ANKRD9: variants seen among roughly 807,000 people sequenced by gnomAD.
ANKRD9 encodes ankyrin repeat domain 9, also known as ankyrin repeat domain-containing protein 9.
Under a neutral mutation model 19.2 loss-of-function variants are expected in ANKRD9, and 13 were observed. That is an observed-to-expected ratio of 0.68 (90% CI 0.44 to 1.08). The LOEUF (loss-of-function observed/expected upper bound fraction) is 1.08. Among genes scored for constraint, ANKRD9 ranks in the 50% least tolerant of loss-of-function variants. The pLI is 0.00. For synonymous variants in ANKRD9, 278 were observed against 256.8 expected, an observed-to-expected ratio of 1.08 and a Z score of -0.79; for missense variants, 518 against 499.9, an observed-to-expected ratio of 1.04 and a Z score of -0.34.
At position 102,507,839 on chromosome 14, in the gene ANKRD9, C is replaced by T; in HGVS notation, c.51G>A (p.Glu17=). The change falls in exon 4 of 4, where the codon GAG becomes GAA. Residue 17 remains glutamate, a synonymous_variant. Coordinates refer to ENST00000286918, the MANE Select transcript of ANKRD9 (RefSeq NM_152326.4). This position sits in a 1 kb window ranked among gnomAD's most constrained non-coding sequence, Gnocchi z 9.2. ...CTCGCGAGCGCGCCGCGCCCGAGGC[C>T]TCGGGCCCGCCGTCCGCGCCACCCC... ...RPGGGADGGP[E]ASGAARSRAQ... The T allele has an allele frequency of 3.1e-6, 4 of 1,311,126 alleles. No individual in the cohort carries two copies. The highest frequency in any genetic ancestry group is 3.0e-6 in the Non-Finnish European group (3 of 1,014,240). The allele number at this position is 1,311,126 out of a possible 1,614,324, so 81.2% of individuals were successfully genotyped here.
In ANKRD9 at chr14:102,504,448, T is replaced by A. The variant is rs939317142; in HGVS notation, c.*2488A>T. On this transcript the variant is annotated 3_prime_UTR_variant, in exon 4 of 4. Coordinates refer to ENST00000286918, the MANE Select transcript of ANKRD9 (RefSeq NM_152326.4). Reference sequence around the variant, plus strand: ...CTCCGGCCCTCCCAGTCCTGCAAGCTCATGGCCAGGACGATAACGATGACA... The same window carrying A: ...CTCCGGCCCTCCCAGTCCTGCAAGCACATGGCCAGGACGATAACGATGACA... 1.3e-5 allele frequency: 2 copies of A among 153,996 alleles called. No individual in the cohort carries two copies. Among genetic ancestry groups the A allele is most frequent in the African/African-American group, 2.4e-5 (1 of 41,392 alleles). The allele number at this position is 153,996 out of a possible 1,614,324, so 9.5% of individuals were successfully genotyped here. A position where few individuals can be genotyped will look rare whatever the true frequency, so the allele number is the denominator to read the frequency against.
rs1244775514 is a variant in ANKRD9 at position 102,507,771 on chromosome 14, G to C, written c.119C>G (p.Ala40Gly). 1 of 1,486,458 alleles carries C rather than the reference G, an allele frequency of 6.7e-7. No individual in the cohort carries two copies. Among genetic ancestry groups the C allele is most frequent in the East Asian group, 2.7e-5 (1 of 36,430 alleles). 92.1% of individuals were successfully genotyped at this position (1,486,458 alleles called of 1,614,324 possible). The change falls in exon 4 of 4, where the codon GCG (alanine) becomes GGG (glycine). Residue 40 changes from alanine to glycine, a missense_variant. Coordinates refer to ENST00000286918, the MANE Select transcript of ANKRD9 (RefSeq NM_152326.4). This position sits in a 1 kb window ranked among gnomAD's most constrained non-coding sequence, Gnocchi z 9.2. Reference sequence around the variant, plus strand: ...CCACACGGGTAGCAGGTCGCGCACCGCCTGGTAGAAGGCGAACGACGACTT... The same window carrying C: ...CCACACGGGTAGCAGGTCGCGCACCCCCTGGTAGAAGGCGAACGACGACTT... ...CRKSSFAFYQ[A>G]VRDLLPVWLL... is the part of the protein sequence containing the mutation.
rs1262711057 is a variant in ANKRD9, at chr14:102,502,324, A to C, written c.*4612T>G. The C allele has an allele frequency of 6.6e-6, 1 of 152,648 alleles. No homozygotes were observed. Among genetic ancestry groups the C allele is most frequent in the Non-Finnish European group, 1.5e-5 (1 of 68,038 alleles). The allele number at this position is 152,648 out of a possible 1,614,324, so 9.5% of individuals were successfully genotyped here. ...GAAATTTTTCATAACTCCGGGGAGG[A>C]GCAAGAGGGGTGAAAAGAAACAAGT... On this transcript the variant is annotated 3_prime_UTR_variant, in exon 4 of 4. Transcript: ENST00000286918.
chr14:102,507,376 G>A lies in ANKRD9; in HGVS notation c.514C>T (p.Pro172Ser). The A allele has an allele frequency of 7.5e-7, 1 of 1,337,292 alleles. No individual in the cohort carries two copies. The highest frequency in any genetic ancestry group is 9.6e-7 in the Non-Finnish European group (1 of 1,042,494). 82.8% of individuals were successfully genotyped at this position (1,337,292 alleles called of 1,614,324 possible). The stretch of plus-strand genomic sequence containing the variant: ...CCCAGCAGCAGGAAGAGGCACTCGG[G>A]GCGCGCCAGCTCACAGGCCACGTGC... ...SLHVACELAR[P>S]ECLFLLLGHG... Residue 172 changes from proline (P) to serine (S), a missense_variant, in exon 4 of 4, where the codon CCC (proline) becomes TCC (serine). Physicochemically the swap from Pro to Ser is moderately conservative, Grantham distance 74. Coordinates refer to ENST00000286918, the MANE Select transcript of ANKRD9 (RefSeq NM_152326.4). The surrounding 1 kb of genome is among the most constrained non-coding windows in gnomAD (Gnocchi z 9.2).
rs1238199564 is a variant in ANKRD9, at chr14:102,502,176, C to G, written c.*4760G>C. The G allele has an allele frequency of 6.6e-6, 1 of 152,274 alleles. No homozygotes were observed. Among genetic ancestry groups the G allele is most frequent in the South Asian group, 2.1e-4 (1 of 4,832 alleles). The allele number at this position is 152,274 out of a possible 1,614,324, so 9.4% of individuals were successfully genotyped here. ...ACCTCACCGCGCCAGCGTGAAGTTC[C>G]CGGGCATGGTCATGAAAGCGTGGTT... On this transcript the variant is annotated 3_prime_UTR_variant, in exon 4 of 4. Coordinates refer to ENST00000286918, the MANE Select transcript of ANKRD9 (RefSeq NM_152326.4).
rs1175327268 is a variant in ANKRD9 at position 102,504,899 on chromosome 14, G to C, written c.*2037C>G. ...GGTAACCTGACAATGGATTTCGTGG[G>C]GCCCACTCTCAGTGCCCGCCAGCCT... On this transcript the variant is annotated 3_prime_UTR_variant, in exon 4 of 4. Transcript: ENST00000286918. 2 of 152,330 alleles carry C rather than the reference G, an allele frequency of 1.3e-5. No homozygotes were observed. The highest frequency in any genetic ancestry group is 4.8e-5 in the African/African-American group (2 of 41,442). The allele number at this position is 152,330 out of a possible 1,614,324, so 9.4% of individuals were successfully genotyped here.
Position 102,505,195 on chromosome 14 carries a change from G to C in ANKRD9, c.*1741C>G, listed in dbSNP as rs1447922533. ...AGGCACAAGCCCCATGGGCTCCCCG[G>C]GCCCAGCCCCTAAGAACCACGGCAG... is the stretch of plus-strand genomic sequence containing the variant. On this transcript the variant is annotated 3_prime_UTR_variant, in exon 4 of 4. Coordinates refer to ENST00000286918, the MANE Select transcript of ANKRD9 (RefSeq NM_152326.4). 1.3e-5 allele frequency: 2 copies of C among 152,350 alleles called. No individual in the cohort carries two copies. Among genetic ancestry groups the C allele is most frequent in the Non-Finnish European group, 2.9e-5 (2 of 68,316 alleles). The allele number at this position is 152,350 out of a possible 1,614,324, so 9.4% of individuals were successfully genotyped here.
rs1891563041 is a variant in ANKRD9 at position 102,505,510 on chromosome 14, T to C, written c.*1426A>G. On this transcript the variant is annotated 3_prime_UTR_variant, in exon 4 of 4. Transcript: ENST00000286918. The stretch of plus-strand genomic sequence containing the variant: ...ATCCTTCCCTCCCCACAACCAGGGC[T>C]GTAGGCCCACCTAACACACCACACA... 1 of 152,364 alleles carries C rather than the reference T, an allele frequency of 6.6e-6. No individual in the cohort carries two copies. Among genetic ancestry groups the C allele is most frequent in the Admixed American group, 6.5e-5 (1 of 15,276 alleles). 9.4% of individuals were successfully genotyped at this position (152,364 alleles called of 1,614,324 possible). A position where few individuals can be genotyped will look rare whatever the true frequency, so the allele number is the denominator to read the frequency against.
rs1204272846 is a variant in ANKRD9 at position 102,501,978 on chromosome 14, T to G, written c.*4958A>C. On this transcript the variant is annotated 3_prime_UTR_variant, in exon 4 of 4. Coordinates refer to ENST00000286918, the MANE Select transcript of ANKRD9 (RefSeq NM_152326.4). ...CCTTGCATCTCGCCACCTCCACTTC[T>G]GTCCTCAAGAACAAGTCCTAGGTCA... The G allele has an allele frequency of 2.0e-5, 3 of 152,264 alleles. No individual in the cohort carries two copies. The East Asian group carries it at 5.8e-4, about 29-fold the overall frequency. 9.4% of individuals were successfully genotyped at this position (152,264 alleles called of 1,614,324 possible).
rs1188769685 is a variant in ANKRD9 at position 102,509,763 on chromosome 14, C to A, written c.-569G>T. On this transcript the variant is annotated 5_prime_UTR_variant, in exon 1 of 4. Coordinates refer to ENST00000286918, the MANE Select transcript of ANKRD9 (RefSeq NM_152326.4). ...GCGGGCGGCGGGCGGCGCAGTGCGG[C>A]CCCGGCCAGGCAGGACAGCGGGACC... is the stretch of plus-strand genomic sequence containing the variant. 1 of 146,444 alleles carries A rather than the reference C, an allele frequency of 6.8e-6. No individual in the cohort carries two copies. The highest frequency in any genetic ancestry group is 1.5e-5 in the Non-Finnish European group (1 of 65,920). 9.1% of individuals were successfully genotyped at this position (146,444 alleles called of 1,614,324 possible).
In ANKRD9 at chr14:102,506,943, T is replaced by A; in HGVS notation, c.947A>T (p.Lys316Ile). 1 of 1,516,800 alleles carries A rather than the reference T, an allele frequency of 6.6e-7. No individual in the cohort carries two copies. The highest frequency in any genetic ancestry group is 1.4e-5 in the African/African-American group (1 of 69,816). 94.0% of individuals were successfully genotyped at this position (1,516,800 alleles called of 1,614,324 possible). A position where few individuals can be genotyped will look rare whatever the true frequency, so the allele number is the denominator to read the frequency against. Residue 316 changes from lysine (K) to isoleucine (I), a missense_variant, in exon 4 of 4, where the codon AAA becomes ATA. Physicochemically the swap from Lys to Ile is moderately radical, Grantham distance 102. Coordinates refer to ENST00000286918, the MANE Select transcript of ANKRD9 (RefSeq NM_152326.4). ...PFLQPLDLTGKG is the reference protein window; with the variant it reads ...PFLQPLDLTGIG ...GCCTAGGGTGCTCCGGGCCTAGCCTTTGCCAGTGAGGTCCAACGGCTGCAG... is the reference window on the plus strand; with the variant it reads ...GCCTAGGGTGCTCCGGGCCTAGCCTATGCCAGTGAGGTCCAACGGCTGCAG...
In ANKRD9 at chr14:102,507,571, A is replaced by T; in HGVS notation, c.319T>A (p.Phe107Ile). Residue 107 changes from phenylalanine (F) to isoleucine (I), a missense_variant, in exon 4 of 4, where the codon TTC becomes ATC. Coordinates refer to ENST00000286918, the MANE Select transcript of ANKRD9 (RefSeq NM_152326.4). The surrounding 1 kb of genome is among the most constrained non-coding windows in gnomAD (Gnocchi z 9.2). ...GGCCCGGGAGCCGCGCAGCAGCGGAAGCCGGCACTGGGCGGTGCGAGCGCG... is the reference window on the plus strand; with the variant it reads ...GGCCCGGGAGCCGCGCAGCAGCGGATGCCGGCACTGGGCGGTGCGAGCGCG... ...RRALAPPSAG[F>I]RCCAAPGPHV... 1 of 1,371,112 alleles carries T rather than the reference A, an allele frequency of 7.3e-7. No individual in the cohort carries two copies. Among genetic ancestry groups the T allele is most frequent in the Non-Finnish European group, 9.4e-7 (1 of 1,062,646 alleles). The allele number at this position is 1,371,112 out of a possible 1,614,324, so 84.9% of individuals were successfully genotyped here. A position where few individuals can be genotyped will look rare whatever the true frequency, so the allele number is the denominator to read the frequency against.
chr14:102,504,713 T>G lies in ANKRD9; in HGVS notation c.*2223A>C, dbSNP rs3742444. ...GGCACCACTCCGCTGCTGTAAGTCT[T>G]CGTGAGAGCCACTGGCCAGCTTCCT... is the stretch of plus-strand genomic sequence containing the variant. On this transcript the variant is annotated 3_prime_UTR_variant, in exon 4 of 4. Coordinates refer to ENST00000286918, the MANE Select transcript of ANKRD9 (RefSeq NM_152326.4). The G allele has an allele frequency of 0.68, 103,440 of 152,342 alleles. 36,117 individuals carry two copies. Among genetic ancestry groups the G allele is most frequent in the African/African-American group, 0.84 (34,918 of 41,536 alleles). The allele number at this position is 152,342 out of a possible 1,614,324, so 9.4% of individuals were successfully genotyped here.
At position 102,507,161 on chromosome 14, in the gene ANKRD9, G is replaced by T; in HGVS notation, c.729C>A (p.Ala243=). 2.8e-6 allele frequency: 4 copies of T among 1,417,346 alleles called. No homozygotes were observed. Among genetic ancestry groups the T allele is most frequent in the Non-Finnish European group, 3.7e-6 (4 of 1,093,284 alleles). The allele number at this position is 1,417,346 out of a possible 1,614,324, so 87.8% of individuals were successfully genotyped here. A position where few individuals can be genotyped will look rare whatever the true frequency, so the allele number is the denominator to read the frequency against. ...GCAGCTCCTGGCGGGCCGAGCCGGC[G>T]GCACCCACGGGGGTGTACAGCGCCA... ...DLLALYTPVG[A]AGSARQELLG... The change falls in exon 4 of 4, where the codon GCC becomes GCA. Residue 243 remains alanine, a synonymous_variant. Coordinates refer to ENST00000286918, the MANE Select transcript of ANKRD9 (RefSeq NM_152326.4). The surrounding 1 kb of genome is among the most constrained non-coding windows in gnomAD (Gnocchi z 9.2).
At position 102,502,719 on chromosome 14, in the gene ANKRD9, G is replaced by A. The variant is rs1891474783; in HGVS notation, c.*4217C>T. On this transcript the variant is annotated 3_prime_UTR_variant, in exon 4 of 4. Transcript: ENST00000286918. Reference sequence around the variant, plus strand: ...AAAAAGCTGAAAGAAACATATGCCAGAATGCTAGCAGTGCTTGTATGCGTG... The same window carrying A: ...AAAAAGCTGAAAGAAACATATGCCAAAATGCTAGCAGTGCTTGTATGCGTG... 1 of 152,190 alleles carries A rather than the reference G, an allele frequency of 6.6e-6. No homozygotes were observed. The highest frequency in any genetic ancestry group is 6.5e-5 in the Admixed American group (1 of 15,282). 9.4% of individuals were successfully genotyped at this position (152,190 alleles called of 1,614,324 possible).
At position 102,507,358 on chromosome 14, in the gene ANKRD9, G is replaced by A; in HGVS notation, c.532C>T (p.Leu178=). ...CCGGGCGAGGCGCCGTGGCCCAGCA[G>A]CAGGAAGAGGCACTCGGGGCGCGCC... ...ELARPECLFL[L]LGHGASPGLR... Residue 178 remains leucine, a synonymous_variant, in exon 4 of 4, where the codon CTG becomes TTG. Transcript: ENST00000286918. The surrounding 1 kb of genome is among the most constrained non-coding windows in gnomAD (Gnocchi z 9.2). 7.5e-7 allele frequency: 1 copy of A among 1,330,282 alleles called. No homozygotes were observed. Among genetic ancestry groups the A allele is most frequent in the Non-Finnish European group, 9.6e-7 (1 of 1,037,866 alleles). 82.4% of individuals were successfully genotyped at this position (1,330,282 alleles called of 1,614,324 possible). A position where few individuals can be genotyped will look rare whatever the true frequency, so the allele number is the denominator to read the frequency against.
chr14:102,507,832 C>G lies in ANKRD9; in HGVS notation c.58G>C (p.Gly20Arg). ...TTCTGCGCTCGCGAGCGCGCCGCGC[C>G]CGAGGCCTCGGGCCCGCCGTCCGCG... ...GGADGGPEASGAARSRAQKQC... is the reference protein window; with the variant it reads ...GGADGGPEASRAARSRAQKQC... The change falls in exon 4 of 4, where the codon GGC becomes CGC. Residue 20 changes from glycine (G) to arginine (R), a missense_variant. Coordinates refer to ENST00000286918, the MANE Select transcript of ANKRD9 (RefSeq NM_152326.4). This position sits in a 1 kb window ranked among gnomAD's most constrained non-coding sequence, Gnocchi z 9.2. 1 of 1,352,478 alleles carries G rather than the reference C, an allele frequency of 7.4e-7. No individual in the cohort carries two copies. Among genetic ancestry groups the G allele is most frequent in the Non-Finnish European group, 9.7e-7 (1 of 1,035,762 alleles). 83.8% of individuals were successfully genotyped at this position (1,352,478 alleles called of 1,614,324 possible).
chr14:102,506,726 G>A lies in ANKRD9; in HGVS notation c.*210C>T. 1.7e-6 allele frequency: 1 copy of A among 590,480 alleles called. No homozygotes were observed. Among genetic ancestry groups the A allele is most frequent in the Non-Finnish European group, 2.5e-6 (1 of 397,434 alleles). 36.6% of individuals were successfully genotyped at this position (590,480 alleles called of 1,614,324 possible). A position where few individuals can be genotyped will look rare whatever the true frequency, so the allele number is the denominator to read the frequency against. On this transcript the variant is annotated 3_prime_UTR_variant, in exon 4 of 4. Coordinates refer to ENST00000286918, the MANE Select transcript of ANKRD9 (RefSeq NM_152326.4). ...GGGAGGTTAGTCCTCACTCCCTTCA[G>A]GGGCTGGACAGCGAGCTGAAGGCCC...
rs780629977 is a variant in ANKRD9 at position 102,505,905 on chromosome 14, G to C, written c.*1031C>G. ...TGGCCCTCCTGCCCACGTTGGTGCGGGTTGAATTTGACGGCCCAGCAGAAT... is the reference window on the plus strand; with the variant it reads ...TGGCCCTCCTGCCCACGTTGGTGCGCGTTGAATTTGACGGCCCAGCAGAAT... On this transcript the variant is annotated 3_prime_UTR_variant, in exon 4 of 4. Transcript: ENST00000286918. 6.6e-6 allele frequency: 1 copy of C among 152,240 alleles called. No individual in the cohort carries two copies. The highest frequency in any genetic ancestry group is 2.4e-5 in the African/African-American group (1 of 41,424). 9.4% of individuals were successfully genotyped at this position (152,240 alleles called of 1,614,324 possible).
Sources: gnomAD v4.1 joint callset for allele counts on GRCh38, gnomAD v4.1.1 for gene constraint, Gnocchi (gnomAD v3.1) non-coding constraint, MANE v1.5 for transcripts, NCBI Gene and HGNC (gene_info 2026-07-23, HGNC 2026-07-21) for gene names.